The following CACNA2D3 variants were observed in gnomAD, a reference collection of about 807,000 sequenced individuals.
The protein encoded by CACNA2D3 is calcium voltage-gated channel auxiliary subunit alpha2delta 3.
CACNA2D3 carries 60 observed loss-of-function variants against 160.6 expected under a neutral mutation model. The ratio of observed to expected loss-of-function variants is 0.37; its 90% CI spans 0.30 to 0.46. The LOEUF (loss-of-function observed/expected upper bound fraction) is 0.46. CACNA2D3 is among the 20% of genes least tolerant of loss of function. The pLI, the probability that CACNA2D3 is intolerant of heterozygous loss-of-function variation, is 1.00. For missense variants in CACNA2D3, 1,205 were observed against 1,365.0 expected (o/e 0.88, Z 1.85); for synonymous variants, 558 against 492.9 (o/e 1.13, Z -1.75).
intron 2 of CACNA2D3, among the ~76,000 whole-genome samples, chr3:54,129,637 T>C (rs1043371454): frequency 6.6e-6 from 1 of 152,208 alleles, no homozygotes; most frequent in African/African-American, 2.4e-5. Context: ...CACCTGTTAA[T>C]GGAAAACAGT....
intron 2 of CACNA2D3, among the ~76,000 whole-genome samples, chr3:54,256,666 G>A (rs113832838): frequency 0.022 from 3,308 of 151,642 alleles, 61 homozygotes; most frequent in Middle Eastern, 0.076. Flanking sequence ...CACATTAATG[G>A]CATTGTGCTC....
At position 54,719,749 on chromosome 3, in the gene CACNA2D3, CA is replaced by C. The variant is rs1701134871; in HGVS notation, c.1168-32848del. ...TCTTCCTTAATTGTATGGAAGAATT[CA>C]ATGGTGAAGCCACAAGGGACTGTAG... On this transcript the variant is annotated intron_variant, in intron 11 of 37. Transcript: ENST00000474759. 1.3e-5 allele frequency among the ~76,000 whole-genome samples: 2 copies of C among 151,884 alleles called. 1 individual carries two copies. The highest frequency in any genetic ancestry group is 4.2e-4 in the South Asian group (2 of 4,818).
intron 27 of CACNA2D3, among the ~76,000 whole-genome samples, chr3:54,953,449 A>G (rs1701806876): frequency 6.6e-6 from 1 of 152,312 alleles, no homozygotes; most frequent in Admixed American, 6.5e-5. Context: ...CAGTACAGAT[A>G]GCACTGGGCC....
At chr3:54,812,967 A>T (rs1703358235) in intron 13 of CACNA2D3, among the ~76,000 whole-genome samples, 1 of 152,208 alleles carries the variant, frequency 6.6e-6, no homozygotes, top group African/African-American at 2.4e-5. Flanking sequence ...TCCAATCAAC[A>T]GTGACTATTT....
chr3:54,151,942 T>A (rs1316183468), intron 2 of CACNA2D3, among the ~76,000 whole-genome samples: 1 of 152,242 alleles, frequency 6.6e-6, no homozygotes, highest in East Asian at 1.9e-4. Context: ...GTAGAGCTGT[T>A]ACTATTTCAA....
chr3:54,257,488 A>T (rs1402306896), intron 2 of CACNA2D3, among the ~76,000 whole-genome samples: 2 of 150,770 alleles, frequency 1.3e-5, no homozygotes, highest in Non-Finnish European at 3.0e-5. Context: ...CCCACCAGCT[A>T]TTTTTTTTTC....
At chr3:54,690,930 TA>T (rs1213666698) in intron 11 of CACNA2D3, among the ~76,000 whole-genome samples, 5 of 152,296 alleles carry the variant, frequency 3.3e-5, no homozygotes, top group African/African-American at 1.2e-4. Context: ...GCTGTCTTTT[TA>T]CCCTATGATT....
rs149817207 is a variant in CACNA2D3, at chr3:54,831,639, A to G, written c.1399-5520A>G. On this transcript the variant is annotated intron_variant, in intron 14 of 37. Transcript: ENST00000474759. ...ATCAGTATTTGGGTACTTTGCAGGT[A>G]CCTAAATTTCTTCTCTTGTGGGAAA... is the stretch of plus-strand genomic sequence containing the variant. Among the ~76,000 whole-genome samples, 233 of 152,324 alleles carry G rather than the reference A, an allele frequency of 1.5e-3. 1 individual carries two copies. The highest frequency in any genetic ancestry group is 5.1e-3 in the African/African-American group (214 of 41,572).
At chr3:54,692,435 C>A (rs372496000) in intron 11 of CACNA2D3, among the ~76,000 whole-genome samples, 1 of 152,208 alleles carries the variant, frequency 6.6e-6, no homozygotes, top group Non-Finnish European at 1.5e-5. Context: ...GATGCTGTGC[C>A]TGCAGAGGGA....
At chr3:54,737,918 G>T (rs1187939033) in intron 11 of CACNA2D3, among the ~76,000 whole-genome samples, 1 of 152,050 alleles carries the variant, frequency 6.6e-6, no homozygotes, top group African/African-American at 2.4e-5. Flanking sequence ...CACCTGTCTC[G>T]GCCTCCCAAA....
chr3:54,363,387 T>A (rs1024051232), intron 3 of CACNA2D3, among the ~76,000 whole-genome samples: 2 of 152,168 alleles, frequency 1.3e-5, no homozygotes, highest in African/African-American at 4.8e-5. Flanking sequence ...TGTCATCATA[T>A]GGGGCCCCAG....
chr3:54,385,911 T>C (rs1256360167), intron 3 of CACNA2D3: 3 of 506,966 alleles, frequency 5.9e-6, no homozygotes, highest in Non-Finnish European at 1.2e-5. Flanking sequence ...CAGTGAAATA[T>C]TATTTCACCA....
intron 11 of CACNA2D3, among the ~76,000 whole-genome samples, chr3:54,732,699 C>T (rs1020288495): frequency 2.0e-5 from 3 of 152,142 alleles, no homozygotes; most frequent in African/African-American, 7.2e-5. Flanking sequence ...TTATTCAGAG[C>T]CTCCTTAGGA....
chr3:54,682,847 G>A (rs58508920), intron 11 of CACNA2D3, among the ~76,000 whole-genome samples: 2,511 of 152,218 alleles, frequency 0.016, 72 homozygotes, highest in African/African-American at 0.058. Flanking sequence ...GAGACTTGGT[G>A]TGTTCTTACC....
chr3:54,516,782 A>C (rs2106976346), intron 5 of CACNA2D3, among the ~76,000 whole-genome samples: 1 of 152,258 alleles, frequency 6.6e-6, no homozygotes, highest in Admixed American at 6.5e-5. Flanking sequence ...TGACTTTCAG[A>C]GACTTTTCTG....
chr3:54,802,003 A>G (rs546208708), intron 13 of CACNA2D3, among the ~76,000 whole-genome samples: 63 of 152,340 alleles, frequency 4.1e-4, no homozygotes, highest in African/African-American at 1.5e-3. Flanking sequence ...GAATGAGGAC[A>G]TGACTAGTTT....
rs548233026 is a variant in CACNA2D3, at chr3:54,252,100, G to GTTTTTTTTTTTTTTTTTT, written c.205-68328_205-68327insTTTTTTTTTTTTTTTTTT. On this transcript the variant is annotated intron_variant, in intron 2 of 37. Coordinates refer to ENST00000474759, the MANE Select transcript of CACNA2D3 (RefSeq NM_018398.3). ...TCCAATTTCTCTTTTTGCAGAGCTA[G>GTTTTTTTTTTTTTTTTTT]TTTTTTTTTTTTTTGTACGATACTC... 2.6e-4 allele frequency among the ~76,000 whole-genome samples: 31 copies of GTTTTTTTTTTTTTTTTTT among 121,010 alleles called. 2 individuals are homozygous for GTTTTTTTTTTTTTTTTTT. The highest frequency in any genetic ancestry group is 6.9e-4 in the East Asian group (3 of 4,364). 79.4% of individuals were successfully genotyped at this position (121,010 alleles called of 152,430 possible).
At chr3:54,512,417 A>T (rs138726163) in intron 5 of CACNA2D3, among the ~76,000 whole-genome samples, 80 of 152,296 alleles carry the variant, frequency 5.3e-4, no homozygotes, top group African/African-American at 1.1e-3. Context: ...CTGAGAGCTC[A>T]ATTGTTAGTA....
rs1008409286 is a variant in CACNA2D3 at position 54,411,679 on chromosome 3, G to A, written c.381+24905G>A. Among the ~76,000 whole-genome samples, 7 of 152,210 alleles carry A rather than the reference G, an allele frequency of 4.6e-5. No homozygotes were observed. The East Asian group carries it at 1.3e-3, about 29-fold the overall frequency. The stretch of plus-strand genomic sequence containing the variant: ...AAAAATTCATGTGATTTGCTTTATT[G>A]TAATATTTGCTTTATCATGGTGTTA... On this transcript the variant is annotated intron_variant, in intron 4 of 37. Transcript: ENST00000474759.
Sources: gnomAD v4.1 joint callset for allele counts (sites outside exome capture counted in the v4.1 genomes callset) on GRCh38, gnomAD v4.1.1 for gene constraint, MANE v1.5 for transcripts, NCBI Gene and HGNC (gene_info 2026-07-23, HGNC 2026-07-21) for gene names.